ITGB6: variants seen among roughly 807,000 people sequenced by gnomAD.
The protein encoded by ITGB6 is integrin subunit beta 6.
ITGB6 carries 80 observed loss-of-function variants against 84.5 expected under a neutral mutation model. The observed-to-expected ratio is 0.95, with a 90% CI of 0.79 to 1.14. The LOEUF (loss-of-function observed/expected upper bound fraction) is 1.14. Ranked by LOEUF, ITGB6 falls within the 50% of genes most tolerant of loss-of-function variation. The pLI is 0.00. For synonymous variants in ITGB6, 383 were observed against 354.9 expected (o/e 1.08, Z -0.89); for missense variants, 1,006 against 968.0 (o/e 1.04, Z -0.52).
intron 7 of ITGB6, among the ~76,000 whole-genome samples, chr2:160,162,951 T>C (rs940770166): frequency 4.6e-5 from 7 of 152,196 alleles, no homozygotes; most frequent in Non-Finnish European, 8.8e-5. Context: ...TTTTTCCATA[T>C]GCTTGAACTA....
chr2:160,135,178 C>T (rs1279374258), intron 10 of ITGB6, among the ~76,000 whole-genome samples: 1 of 150,062 alleles, frequency 6.7e-6, no homozygotes, highest in African/African-American at 2.4e-5. Context: ...CCCAAAATCT[C>T]CTTAAGCTGA....
chr2:160,119,276 C>T (rs1435027149), intron 12 of ITGB6, among the ~76,000 whole-genome samples: 1 of 152,116 alleles, frequency 6.6e-6, no homozygotes, highest in Non-Finnish European at 1.5e-5. Context: ...TACTACAAGG[C>T]TACAGTAACC....
rs542101602 is a variant in ITGB6, at chr2:160,129,911, T to C, written c.1661-3310A>G. Among the ~76,000 whole-genome samples the C allele has an allele frequency of 1.2e-3, 177 of 152,122 alleles. 1 individual carries two copies. Among genetic ancestry groups the C allele is most frequent in the African/African-American group, 3.6e-3 (151 of 41,530 alleles). On this transcript the variant is annotated intron_variant, in intron 10 of 14. Coordinates refer to ENST00000283249, the MANE Select transcript of ITGB6 (RefSeq NM_000888.5). Reference sequence around the variant, plus strand: ...AGGTATGTGTGTGCATATATGTATATATATATGTGTGTGTGTATATATATA... The same window carrying C: ...AGGTATGTGTGTGCATATATGTATACATATATGTGTGTGTGTATATATATA...
At position 160,136,212 on chromosome 2, in the gene ITGB6, A is replaced by C. The variant is rs560021005; in HGVS notation, c.1660+1222T>G. On this transcript the variant is annotated intron_variant, in intron 10 of 14. Coordinates refer to ENST00000283249, the MANE Select transcript of ITGB6 (RefSeq NM_000888.5). ...AGAACTCAAACAAATTTACAAGAAA[A>C]AAACAACCCCATCAACAAGTGGACA... is the stretch of plus-strand genomic sequence containing the variant. Among the ~76,000 whole-genome samples the C allele has an allele frequency of 3.9e-5, 6 of 151,928 alleles. No homozygotes were observed. In the South Asian group the frequency reaches 1.0e-3, roughly 26 times the overall value.
chr2:160,130,403 T>G (rs1297288052), intron 10 of ITGB6, among the ~76,000 whole-genome samples: 5 of 152,138 alleles, frequency 3.3e-5, no homozygotes, highest in Admixed American at 2.0e-4. Flanking sequence ...TATGATAGGA[T>G]TATGTCGGGA....
intron 10 of ITGB6, among the ~76,000 whole-genome samples, chr2:160,128,700 C>T (rs1234719084): frequency 6.6e-6 from 1 of 152,082 alleles, no homozygotes; most frequent in Non-Finnish European, 1.5e-5. Flanking sequence ...CCCCAGGTGA[C>T]TAGACTGAGC....
At chr2:160,157,765 A>AG in intron 7 of ITGB6, among the ~76,000 whole-genome samples, 1 of 151,952 alleles carries the variant, frequency 6.6e-6, no homozygotes. Context: ...AAAAAAAAAA[A>AG]AAAAATCCTA....
intron 7 of ITGB6, among the ~76,000 whole-genome samples, chr2:160,150,929 A>T (rs1016385662): frequency 2.0e-4 from 30 of 152,204 alleles, no homozygotes; most frequent in Non-Finnish European, 5.9e-5. Flanking sequence ...TATGCACCTA[A>T]CACAGGAGCA....
chr2:160,167,307 A>T (rs1434733668), intron 7 of ITGB6, among the ~76,000 whole-genome samples: 1 of 152,174 alleles, frequency 6.6e-6, no homozygotes, highest in African/African-American at 2.4e-5. Context: ...ATGCTGTGTG[A>T]AGGCTTCAAG....
intron 10 of ITGB6, among the ~76,000 whole-genome samples, chr2:160,129,218 A>G (rs2105805313): frequency 6.6e-6 from 1 of 152,272 alleles, no homozygotes; most frequent in East Asian, 1.9e-4. Context: ...TGGCCACTTA[A>G]TGACGTATGA....
intron 7 of ITGB6, among the ~76,000 whole-genome samples, chr2:160,145,214 A>G (rs1684144007): frequency 6.6e-6 from 1 of 152,226 alleles, no homozygotes; most frequent in African/African-American, 2.4e-5. Flanking sequence ...GTGCTTGGAT[A>G]TTAGAAATGG....
chr2:160,137,373 G>A, intron 10 of ITGB6, 61 bp downstream of exon 10: 3 of 1,499,286 alleles, frequency 2.0e-6, no homozygotes, highest in Non-Finnish European at 2.7e-6. Flanking sequence ...TGCAGAGGAT[G>A]CCAAGCCCCT....
intron 3 of ITGB6, 21 bp from the exon 4 acceptor site, chr2:160,195,636 A>G (rs753127247): frequency 1.2e-6 from 2 of 1,612,534 alleles, no homozygotes; most frequent in Non-Finnish European, 1.7e-6. Context: ...CAACAGGAAA[A>G]GCAAACCCAG....
rs916826864 is a variant in ITGB6 at position 160,168,847 on chromosome 2, A to G, written c.1017+365T>C. ...TGAAGTCAATTCTGCTCCCACTCTT[A>G]AGATTTTCTCTGTTCTCTGTTAACT... On this transcript the variant is annotated intron_variant, in intron 7 of 14. Coordinates refer to ENST00000283249, the MANE Select transcript of ITGB6 (RefSeq NM_000888.5). 1.1e-4 allele frequency among the ~76,000 whole-genome samples: 16 copies of G among 152,170 alleles called. 1 individual carries two copies. The East Asian group carries it at 1.3e-3, about 13-fold the overall frequency.
chr2:160,140,383 G>C (rs1037068973), intron 8 of ITGB6, among the ~76,000 whole-genome samples: 1 of 152,168 alleles, frequency 6.6e-6, no homozygotes, highest in Admixed American at 6.5e-5. Context: ...ATCTTAAAGT[G>C]AGCCATAACC....
chr2:160,157,371 C>A (rs750044915), intron 7 of ITGB6, among the ~76,000 whole-genome samples: 2 of 152,034 alleles, frequency 1.3e-5, no homozygotes, highest in Non-Finnish European at 2.9e-5. Flanking sequence ...AACCTAAAGC[C>A]TTAGTTTTAA....
chr2:160,196,587 A>G (rs1686348837), intron 2 of ITGB6, among the ~76,000 whole-genome samples, 167 bp from the exon 3 acceptor site: 1 of 152,202 alleles, frequency 6.6e-6, no homozygotes, highest in Non-Finnish European at 1.5e-5. Flanking sequence ...GTTAAGTTAT[A>G]GGTGAATAAC....
rs867270220 is a variant in ITGB6, at chr2:160,119,659, A to G, written c.1981+4132T>C. Among the ~76,000 whole-genome samples the G allele has an allele frequency of 6.6e-3, 998 of 151,660 alleles. 12 individuals are homozygous for G. Among genetic ancestry groups the G allele is most frequent in the African/African-American group, 0.023 (948 of 40,958 alleles). On this transcript the variant is annotated intron_variant, in intron 12 of 14. Coordinates refer to ENST00000283249, the MANE Select transcript of ITGB6 (RefSeq NM_000888.5). ...AGCAATGGCAACAAAAGTCAAAATT[A>G]ACAAATGGGATCTAATTAAACTAAA... is the stretch of plus-strand genomic sequence containing the variant.
At chr2:160,194,864 C>T (rs1203245787) in intron 4 of ITGB6, among the ~76,000 whole-genome samples, 1 of 151,930 alleles carries the variant, frequency 6.6e-6, no homozygotes, top group African/African-American at 2.4e-5. Flanking sequence ...GCAGTGAAGG[C>T]TGCATTGGCC....
Sources: gnomAD v4.1 joint callset for allele counts (sites outside exome capture counted in the v4.1 genomes callset) on GRCh38, gnomAD v4.1.1 for gene constraint, MANE v1.5 for transcripts, NCBI Gene and HGNC (gene_info 2026-07-23, HGNC 2026-07-21) for gene names.